Variants in MGAM2 observed in about 807,000 individuals in gnomAD.
MGAM2 encodes the protein probable maltase-glucoamylase 2.
In MGAM2, 98 loss-of-function variants were observed where a neutral mutation model predicts 96.1. That is an observed-to-expected ratio of 1.02 (90% CI 0.87 to 1.21). MGAM2 has a LOEUF of 1.21. Ranked by LOEUF, MGAM2 falls within the 50% of genes most tolerant of loss-of-function variation. The pLI is 0.00. For missense variants in MGAM2, 2,055 were observed against 1,182.4 expected (o/e 1.74, Z -10.82); for synonymous variants, 749 against 414.8 (o/e 1.81, Z -9.79).
At chr7:142,211,723 A>G (rs1797588641) in intron 46 of MGAM2, among the ~76,000 whole-genome samples, 1 of 152,244 alleles carries the variant, frequency 6.6e-6, no homozygotes, top group South Asian at 2.1e-4. Context: ...TGATTGGTGT[A>G]GCTGAAAGTG....
rs75925675 is a variant in MGAM2, at chr7:142,191,915, A to T, written c.4346+2410A>T. On this transcript the variant is annotated intron_variant, in intron 37 of 47. Coordinates refer to ENST00000477922, the MANE Select transcript of MGAM2 (RefSeq NM_001293626.2). The stretch of plus-strand genomic sequence containing the variant: ...AACAATTATTTTTAGTTTTTAATGT[A>T]TATGTTTTTGGCCATTATTTCTATA... 1.9e-4 allele frequency among the ~76,000 whole-genome samples: 29 copies of T among 152,126 alleles called. No homozygotes were observed. The East Asian group carries it at 5.4e-3, about 28-fold the overall frequency.
rs147302996 is a variant in MGAM2 at position 142,206,859 on chromosome 7, A to C, written c.5138-1714A>C. ...CCATTTATTTAACTTTTCCTCACAT[A>C]GGTGATATAATGGCTGTTCAAGGAT... On this transcript the variant is annotated intron_variant, in intron 45 of 47. Coordinates refer to ENST00000477922, the MANE Select transcript of MGAM2 (RefSeq NM_001293626.2). Among the ~76,000 whole-genome samples the C allele has an allele frequency of 1.4e-4, 21 of 152,354 alleles. 1 individual carries two copies. Among genetic ancestry groups the C allele is most frequent in the African/African-American group, 5.0e-4 (21 of 41,586 alleles).
chr7:142,121,775 CCCT>C (rs1794579475), intron 3 of MGAM2, among the ~76,000 whole-genome samples: 1 of 150,926 alleles, frequency 6.6e-6, no homozygotes, highest in Admixed American at 6.6e-5. Context: ...GTTTTGTAGT[CCCT>C]CCTCTGGATA....
rs1452625856 is a variant in MGAM2 at position 142,164,857 on chromosome 7, AC to A, written c.2488del (p.His830IlefsTer7). ...YILYDFSVTS[N>X]HLQAKIINNN... ...TCTGACTTTTTTTTCCCCTCCCAGA[AC>A]CATCTACAAGCAAAGATTATAAATA... On this transcript the variant is annotated frameshift_variant and splice_region_variant, in exon 24 of 48. Coordinates refer to ENST00000477922, the MANE Select transcript of MGAM2 (RefSeq NM_001293626.2). LOFTEE classifies it high-confidence loss of function. The A allele has an allele frequency of 2.3e-5, 16 of 694,326 alleles. No individual in the cohort carries two copies. Among genetic ancestry groups the A allele is most frequent in the Non-Finnish European group, 3.7e-5 (14 of 381,874 alleles). 43.0% of individuals were successfully genotyped at this position (694,326 alleles called of 1,614,324 possible).
At chr7:142,112,953 G>T (rs957392213) in intron 1 of MGAM2, among the ~76,000 whole-genome samples, 12 of 152,160 alleles carry the variant, frequency 7.9e-5, no homozygotes, top group African/African-American at 2.9e-4. Context: ...AGGGCTAAGG[G>T]TTCTTCCTAA....
At position 142,154,123 on chromosome 7, in the gene MGAM2, C is replaced by T; in HGVS notation, c.1740C>T (p.Ala580=). The T allele has an allele frequency of 1.4e-6, 1 of 691,012 alleles. No homozygotes were observed. Among genetic ancestry groups the T allele is most frequent in the South Asian group, 1.5e-5 (1 of 65,888 alleles). 42.8% of individuals were successfully genotyped at this position (691,012 alleles called of 1,614,324 possible). The change falls in exon 16 of 48, where the codon GCC becomes GCT. Residue 580 remains alanine (A), a synonymous_variant. Transcript: ENST00000477922. ...FAAHWLGDNA[A]TWDDLRWSIP... Reference sequence around the variant, plus strand: ...CTCATTGGCTGGGGGACAATGCGGCCACATGGGATGACCTCCGATGGTCTA... The same window carrying T: ...CTCATTGGCTGGGGGACAATGCGGCTACATGGGATGACCTCCGATGGTCTA...
At chr7:142,134,776 T>TAA (rs35820144) in intron 7 of MGAM2, among the ~76,000 whole-genome samples, 45 of 135,192 alleles carry the variant, frequency 3.3e-4, no homozygotes, top group East Asian at 1.7e-3. Context: ...ACTAGTTTCT[T>TAA]AAAAAAAAAA....
At chr7:142,195,169 C>G (rs969380248) in intron 37 of MGAM2, among the ~76,000 whole-genome samples, 1 of 151,804 alleles carries the variant, frequency 6.6e-6, no homozygotes, top group African/African-American at 2.4e-5. Context: ...TGCCATGTGA[C>G]TACAGACACA....
intron 28 of MGAM2, among the ~76,000 whole-genome samples, chr7:142,171,668 G>C (rs914768833): frequency 8.1e-6 from 1 of 124,044 alleles, no homozygotes; most frequent in African/African-American, 2.9e-5. Flanking sequence ...ACAACTGACA[G>C]AGGGAAATAT....
At chr7:142,172,036 G>C in intron 28 of MGAM2, 62 bp from the exon 29 acceptor site, 3 of 622,654 alleles carry the variant, frequency 4.8e-6, no homozygotes. Context: ...TTGCTGTTTG[G>C]GTTATGGTAT....
intron 15 of MGAM2, among the ~76,000 whole-genome samples, chr7:142,149,714 G>A (rs146122831): frequency 2.6e-5 from 4 of 151,622 alleles, no homozygotes; most frequent in African/African-American, 9.7e-5. Context: ...CTAATTGTTT[G>A]TATTTTTTAG....
At chr7:142,163,199 C>T (rs1484552193) in intron 23 of MGAM2, among the ~76,000 whole-genome samples, 1 of 152,190 alleles carries the variant, frequency 6.6e-6, no homozygotes, top group Non-Finnish European at 1.5e-5. Flanking sequence ...TCTGGGATGG[C>T]TCCAGTCATG....
chr7:142,213,116 A>G (rs1467356936), intron 46 of MGAM2, among the ~76,000 whole-genome samples: 1 of 152,194 alleles, frequency 6.6e-6, no homozygotes, highest in East Asian at 1.9e-4. Context: ...GGCAGAAATA[A>G]ATAAGTTCTT....
At chr7:142,114,609 T>G (rs1817323590) in intron 1 of MGAM2, among the ~76,000 whole-genome samples, 1 of 152,192 alleles carries the variant, frequency 6.6e-6, no homozygotes, top group Non-Finnish European at 1.5e-5. Flanking sequence ...AGAGTGAATT[T>G]GATAATGCAA....
At chr7:142,120,887 A>T (rs564349592) in intron 3 of MGAM2, among the ~76,000 whole-genome samples, 1 of 152,192 alleles carries the variant, frequency 6.6e-6, no homozygotes, top group East Asian at 1.9e-4. Flanking sequence ...GATACGTGCT[A>T]AGGAACACAG....
chr7:142,196,131 C>T (rs774808598), intron 37 of MGAM2, 23 bp from the exon 38 acceptor site: 37 of 917,444 alleles, frequency 4.0e-5, no homozygotes, highest in Non-Finnish European at 6.0e-5. Flanking sequence ...CTTCAACTCA[C>T]CTCTTTATTC....
At chr7:142,181,639 A>G (rs898543513) in intron 32 of MGAM2, among the ~76,000 whole-genome samples, 8 of 152,132 alleles carry the variant, frequency 5.3e-5, no homozygotes, top group Non-Finnish European at 4.4e-5. Flanking sequence ...CTTCCCTCTT[A>G]GGGACAGCCT....
At chr7:142,132,126 G>A (rs1440867911) in intron 6 of MGAM2, 41 bp downstream of exon 6, 1 of 665,432 alleles carries the variant, frequency 1.5e-6, no homozygotes, top group Non-Finnish European at 2.7e-6. Flanking sequence ...TGAACACACA[G>A]TTCTAATATT....
In MGAM2 at chr7:142,120,285, C is replaced by T; in HGVS notation, c.107-17C>T. 1.4e-6 allele frequency: 1 copy of T among 702,358 alleles called. No homozygotes were observed. Among genetic ancestry groups the T allele is most frequent in the Non-Finnish European group, 2.6e-6 (1 of 384,626 alleles). 43.5% of individuals were successfully genotyped at this position (702,358 alleles called of 1,614,324 possible). ...TACACTACACATTTTCAACTTTATC[C>T]TTTAATTCCTATGCAGATACTTCAT... On this transcript the variant is annotated splice_polypyrimidine_tract_variant and intron_variant, in intron 2 of 47. Transcript: ENST00000477922.
Sources: gnomAD v4.1 joint callset for allele counts (sites outside exome capture counted in the v4.1 genomes callset) on GRCh38, gnomAD v4.1.1 for gene constraint, MANE v1.5 for transcripts, NCBI Gene and HGNC (gene_info 2026-07-23, HGNC 2026-07-21) for gene names.